LRP1B: variants seen among roughly 807,000 people sequenced by gnomAD.
The protein encoded by LRP1B is LDL receptor related protein 1B, also known as low-density lipoprotein receptor-related protein 1B.
Under a neutral mutation model 556.6 loss-of-function variants are expected in LRP1B, and 217 were observed. The ratio of observed to expected loss-of-function variants is 0.39; its 90% confidence interval spans 0.35 to 0.44. LRP1B has a LOEUF of 0.44. Ranked by LOEUF, LRP1B falls within the 20% of genes least tolerant of loss-of-function variation. LRP1B has a pLI of 1.00. For synonymous variants in LRP1B, 2,047 were observed against 1,865.8 expected (o/e 1.10, Z -2.50); for missense variants, 5,053 against 5,620.8 (o/e 0.90, Z 3.23).
intron 70 of LRP1B, 101 bp from the exon 71 acceptor site, chr2:140,370,943 C>T (rs2105166023): frequency 8.0e-7 from 1 of 1,249,004 alleles, no homozygotes; most frequent in Non-Finnish European, 1.1e-6. Flanking sequence ...TTTATTATAC[C>T]ATGGGCTTTC....
chr2:140,472,085 A>G (rs1234591943), intron 60 of LRP1B, among the ~76,000 whole-genome samples: 1 of 152,076 alleles, frequency 6.6e-6, no homozygotes, highest in Admixed American at 6.6e-5. Context: ...CTTACCCACA[A>G]TCTAATTTAT....
intron 2 of LRP1B, among the ~76,000 whole-genome samples, chr2:141,741,251 T>C (rs1693690248): frequency 6.7e-6 from 1 of 148,320 alleles, no homozygotes; most frequent in Non-Finnish European, 1.5e-5. Context: ...ATCTCTTCAG[T>C]ATACTGATTT....
intron 7 of LRP1B, among the ~76,000 whole-genome samples, chr2:141,180,685 T>C (rs1208587612): frequency 2.0e-5 from 3 of 151,922 alleles, no homozygotes; most frequent in Admixed American, 6.6e-5. Flanking sequence ...CAGTATTTTA[T>C]AAAATGTTGC....
At chr2:141,960,632 A>G (rs548759773) in intron 1 of LRP1B, among the ~76,000 whole-genome samples, 1 of 152,058 alleles carries the variant, frequency 6.6e-6, no homozygotes, top group African/African-American at 2.4e-5. Context: ...GAAACCAGAA[A>G]TGTTTAATTT....
chr2:142,110,800 T>C (rs2104988224), intron 1 of LRP1B, among the ~76,000 whole-genome samples: 1 of 152,304 alleles, frequency 6.6e-6, no homozygotes, highest in South Asian at 2.1e-4. Context: ...ATATTTACTG[T>C]ATCATGATGA....
chr2:140,866,621 G>T (rs1246926042), intron 27 of LRP1B, among the ~76,000 whole-genome samples: 1 of 152,006 alleles, frequency 6.6e-6, no homozygotes, highest in East Asian at 1.9e-4. Context: ...AAAATAACTA[G>T]ATTCAATCAG....
chr2:141,743,258 C>A (rs1693778652), intron 2 of LRP1B, among the ~76,000 whole-genome samples: 1 of 152,088 alleles, frequency 6.6e-6, no homozygotes, highest in Admixed American at 6.6e-5. Context: ...AATGTTGAAT[C>A]ACCCTTGTAT....
chr2:140,671,477 C>T (rs938253195), intron 41 of LRP1B, among the ~76,000 whole-genome samples: 1 of 152,114 alleles, frequency 6.6e-6, no homozygotes, highest in Non-Finnish European at 1.5e-5. Flanking sequence ...GCCAAGATAG[C>T]GCCATTGCAG....
chr2:141,101,894 A>AT (rs1553460126), intron 7 of LRP1B, among the ~76,000 whole-genome samples: 1 of 152,182 alleles, frequency 6.6e-6, no homozygotes, highest in Non-Finnish European at 1.5e-5. Flanking sequence ...ATGGTACAGC[A>AT]TATCAGTTTC....
intron 6 of LRP1B, among the ~76,000 whole-genome samples, chr2:141,224,813 T>C (rs1250981841): frequency 6.6e-6 from 1 of 150,470 alleles, no homozygotes; most frequent in East Asian, 2.0e-4. Context: ...ACTGAGACTG[T>C]CATGGGGGTG....
intron 2 of LRP1B, among the ~76,000 whole-genome samples, chr2:141,556,346 A>G (rs1351033000): frequency 6.6e-6 from 1 of 151,952 alleles, no homozygotes; most frequent in African/African-American, 2.4e-5. Flanking sequence ...CTTTTGTGAA[A>G]TCACTCATTT....
intron 1 of LRP1B, among the ~76,000 whole-genome samples, chr2:141,986,290 A>G (rs1440669913): frequency 6.6e-6 from 1 of 152,012 alleles, no homozygotes; most frequent in Non-Finnish European, 1.5e-5. Context: ...AAAAACTTTA[A>G]AAAAGTAGAT....
At chr2:140,766,844 T>TATATATATATATATATA (rs1491148843) in intron 35 of LRP1B, among the ~76,000 whole-genome samples, 12 of 54,916 alleles carry the variant, frequency 2.2e-4, no homozygotes, top group East Asian at 5.9e-4. Flanking sequence ...TATATATATA[T>TATATATATATATATATA]TATATATATA....
At chr2:141,712,472 T>C (rs913358064) in intron 2 of LRP1B, among the ~76,000 whole-genome samples, 1 of 151,834 alleles carries the variant, frequency 6.6e-6, no homozygotes, top group African/African-American at 2.4e-5. Context: ...CCCAAAGGAG[T>C]GGCCGTGGGA....
At position 140,982,185 on chromosome 2, in the gene LRP1B, G is replaced by T. The variant is rs766350249; in HGVS notation, c.2862C>A (p.Asp954Glu). The change falls in exon 18 of 91, where the codon GAC becomes GAA. Residue 954 changes from aspartate to glutamate, a missense_variant. By Grantham distance (45) the Asp-to-Glu change is conservative (BLOSUM62 2). Around this residue, in one of 5 missense-constraint regions of LRP1B, gnomAD observed 3,619 missense variants for 3,931.9 expected, o/e 0.92. Coordinates refer to ENST00000389484, the MANE Select transcript of LRP1B (RefSeq NM_018557.3). Reference protein sequence around the residue: ...WLCDREDDCGDQTDEMASCEF... With the variant: ...WLCDREDDCGEQTDEMASCEF... ...CACAAGATGCCATTTCATCTGTCTG[G>T]TCACCACAGTCGTCTTCCCTGTCAC... The T allele has an allele frequency of 4.0e-5, 64 of 1,612,990 alleles. No homozygotes were observed. Among genetic ancestry groups the T allele is most frequent in the Non-Finnish European group, 5.4e-5 (64 of 1,179,460 alleles).
At chr2:141,785,490 T>C (rs766280605) in intron 2 of LRP1B, among the ~76,000 whole-genome samples, 17 of 151,684 alleles carry the variant, frequency 1.1e-4, no homozygotes, top group Non-Finnish European at 2.2e-4. Flanking sequence ...GGTGACTCTT[T>C]TCCATGTGTC....
chr2:142,068,093 G>A (rs906970449), intron 1 of LRP1B, among the ~76,000 whole-genome samples: 1 of 151,294 alleles, frequency 6.6e-6, no homozygotes, highest in African/African-American at 2.4e-5. Context: ...AGCTTCTCGT[G>A]GGAAGATTTT....
chr2:140,484,791 T>C (rs980910183), intron 59 of LRP1B, among the ~76,000 whole-genome samples: 2 of 152,184 alleles, frequency 1.3e-5, no homozygotes, highest in Non-Finnish European at 2.9e-5. Context: ...GTCCTTACTA[T>C]GACTTCTCTC....
chr2:140,294,475 TCAA>T lies in LRP1B; in HGVS notation c.12967+3330_12967+3332del, dbSNP rs374521082. On this transcript the variant is annotated intron_variant, in intron 84 of 90. Transcript: ENST00000389484. ...AGACAAGTAAGGGGAATGTACATAA[TCAA>T]CAGGTAAAAATGATCAGAGTCAGAA... Among the ~76,000 whole-genome samples the T allele has an allele frequency of 1.2e-4, 19 of 152,300 alleles. 1 individual carries two copies. In the South Asian group the frequency reaches 2.7e-3, roughly 22 times the overall value.
Sources: gnomAD v4.1 joint callset for allele counts (sites outside exome capture counted in the v4.1 genomes callset) on GRCh38, gnomAD v4.1.1 for gene constraint, gnomAD v4.1.1 regional missense constraint, MANE v1.5 for transcripts, NCBI Gene and HGNC (gene_info 2026-07-23, HGNC 2026-07-21) for gene names.